SNTB1: variants seen among roughly 807,000 people sequenced by gnomAD.
The protein encoded by SNTB1 is syntrophin beta 1.
In SNTB1, 36 loss-of-function variants were observed where a neutral mutation model predicts 48.9. The observed-to-expected ratio is 0.74, with a 90% CI of 0.56 to 0.97. The LOEUF is 0.97. Among genes scored for constraint, SNTB1 ranks in the 50% least tolerant of loss-of-function variants. The pLI is 0.00. For missense variants in SNTB1, 786 were observed against 703.4 expected, an observed-to-expected ratio of 1.12 and a Z score of -1.33; for synonymous variants, 299 against 294.6, an observed-to-expected ratio of 1.01 and a Z score of -0.15.
At chr8:120,807,345 G>C (rs770127284) in intron 1 of SNTB1, among the ~76,000 whole-genome samples, 61 of 152,328 alleles carry the variant, frequency 4.0e-4, no homozygotes, top group Non-Finnish European at 7.2e-4. Context: ...ACTGTGCCCA[G>C]CTCCAGAGGG....
At chr8:120,716,694 C>T (rs775326039) in intron 1 of SNTB1, among the ~76,000 whole-genome samples, 8 of 152,164 alleles carry the variant, frequency 5.3e-5, no homozygotes, top group Non-Finnish European at 8.8e-5. Context: ...GTCAGCTTGG[C>T]GGTGCCTTGC....
At chr8:120,780,693 A>G (rs1017529621) in intron 1 of SNTB1, among the ~76,000 whole-genome samples, 3 of 152,200 alleles carry the variant, frequency 2.0e-5, no homozygotes, top group African/African-American at 7.2e-5. Context: ...GAAAGCTGCA[A>G]AACCAAATCA....
At chr8:120,689,820 T>C (rs1476721284) in intron 2 of SNTB1, among the ~76,000 whole-genome samples, 1 of 152,216 alleles carries the variant, frequency 6.6e-6, no homozygotes, top group Non-Finnish European at 1.5e-5. Flanking sequence ...TCAGAGGCTG[T>C]TGTTTGTATT....
chr8:120,558,400 T>C (rs551527301), intron 4 of SNTB1, among the ~76,000 whole-genome samples: 1 of 152,290 alleles, frequency 6.6e-6, no homozygotes, highest in East Asian at 1.9e-4. Flanking sequence ...TCACACCCAG[T>C]TTCTAAGTAT....
chr8:120,588,570 G>T (rs1816187330), intron 3 of SNTB1, among the ~76,000 whole-genome samples: 1 of 151,962 alleles, frequency 6.6e-6, no homozygotes, highest in Non-Finnish European at 1.5e-5. Context: ...AGCAAGGAGG[G>T]AGTCTAGTAG....
chr8:120,746,931 A>T (rs1245887990), intron 1 of SNTB1, among the ~76,000 whole-genome samples: 1 of 152,220 alleles, frequency 6.6e-6, no homozygotes, highest in Non-Finnish European at 1.5e-5. Flanking sequence ...GGATTCAGTC[A>T]GTCACAAGGA....
At chr8:120,806,065 C>A (rs1368805113) in intron 1 of SNTB1, among the ~76,000 whole-genome samples, 1 of 152,128 alleles carries the variant, frequency 6.6e-6, no homozygotes, top group East Asian at 1.9e-4. Context: ...TTATTACATT[C>A]GAAAAAGAGT....
intron 4 of SNTB1, among the ~76,000 whole-genome samples, chr8:120,569,288 C>A (rs1190397084): frequency 2.6e-5 from 4 of 152,182 alleles, no homozygotes; most frequent in African/African-American, 9.7e-5. Context: ...CCCGCATCTT[C>A]TATTCTAAAT....
intron 4 of SNTB1, among the ~76,000 whole-genome samples, chr8:120,555,158 A>T (rs1171762712): frequency 6.6e-6 from 1 of 152,172 alleles, no homozygotes; most frequent in African/African-American, 2.4e-5. Context: ...CCCCGCCAGG[A>T]ATATCCGGGG....
chr8:120,646,817 C>A (rs538833088), intron 2 of SNTB1, among the ~76,000 whole-genome samples: 1 of 152,260 alleles, frequency 6.6e-6, no homozygotes, highest in Non-Finnish European at 1.5e-5. Context: ...GGTTGGTAAG[C>A]TATTGATTAT....
intron 3 of SNTB1, among the ~76,000 whole-genome samples, chr8:120,599,259 C>A (rs1816381608): frequency 6.6e-6 from 1 of 152,158 alleles, no homozygotes; most frequent in Non-Finnish European, 1.5e-5. Flanking sequence ...AATAGAAATA[C>A]ACATTAAAAG....
chr8:120,670,136 A>T (rs1341525327), intron 2 of SNTB1, among the ~76,000 whole-genome samples: 1 of 152,216 alleles, frequency 6.6e-6, no homozygotes, highest in Non-Finnish European at 1.5e-5. Context: ...GTGCTTTAGG[A>T]CACAAACGAA....
At position 120,693,748 on chromosome 8, in the gene SNTB1, G is replaced by T; in HGVS notation, c.732C>A (p.Ile244=). ...GAGTGACGTAGCACATTTTGAGGGG[G>T]ATGCTTTTCCGGTCTCTGTGGAAGG... ...SFSFHRDRKS[I]PLKMCYVTRS... is the part of the protein sequence containing the mutation. Residue 244 remains isoleucine (I), a synonymous_variant, in exon 2 of 7, where the codon ATC becomes ATA. Coordinates refer to ENST00000517992, the MANE Select transcript of SNTB1 (RefSeq NM_021021.4). The T allele has an allele frequency of 6.2e-7, 1 of 1,613,800 alleles. No individual in the cohort carries two copies. Among genetic ancestry groups the T allele is most frequent in the Non-Finnish European group, 8.5e-7 (1 of 1,179,920 alleles).
intron 1 of SNTB1, among the ~76,000 whole-genome samples, chr8:120,804,808 CACACTGAGCT>C (rs1483421238): frequency 1.2e-4 from 18 of 152,284 alleles, no homozygotes; most frequent in African/African-American, 4.1e-4. Context: ...CCCTCTTAGC[CACACTGAGCT>C]ACACATGAGG....
chr8:120,632,610 A>T lies in SNTB1; in HGVS notation c.830T>A (p.Ile277Asn). 1 of 1,614,094 alleles carries T rather than the reference A, an allele frequency of 6.2e-7. No homozygotes were observed. Among genetic ancestry groups the T allele is most frequent in the African/African-American group, 1.3e-5 (1 of 75,026 alleles). ...IHSPDAKHTV[I>N]LRSKDSATAQ... is the part of the protein sequence containing the mutation. ...CGTGGCTGAGTCCTTGCTCCTTAGG[A>T]TCACCGTGTGCTTAGCATCTGGAGA... is the stretch of plus-strand genomic sequence containing the variant. Residue 277 changes from isoleucine to asparagine, a missense_variant, in exon 3 of 7, where the codon ATC becomes AAC. Transcript: ENST00000517992.
intron 4 of SNTB1, among the ~76,000 whole-genome samples, chr8:120,568,794 G>C (rs944108113): frequency 6.6e-6 from 1 of 152,196 alleles, no homozygotes; most frequent in Non-Finnish European, 1.5e-5. Flanking sequence ...ATCCTTACAG[G>C]CCTAATTGTA....
chr8:120,712,414 C>G (rs969579576), intron 1 of SNTB1, among the ~76,000 whole-genome samples: 1 of 81,332 alleles, frequency 1.2e-5, no homozygotes, highest in Non-Finnish European at 2.7e-5. Context: ...GACTCCATCT[C>G]AAAAAAAAAA....
At chr8:120,579,615 G>C (rs891650610) in intron 3 of SNTB1, among the ~76,000 whole-genome samples, 2 of 152,130 alleles carry the variant, frequency 1.3e-5, no homozygotes, top group Non-Finnish European at 2.9e-5. Flanking sequence ...AGGTGATGGA[G>C]TTGCAGTGAG....
At chr8:120,559,856 G>A (rs1295315502) in intron 4 of SNTB1, among the ~76,000 whole-genome samples, 1 of 151,784 alleles carries the variant, frequency 6.6e-6, no homozygotes, top group Admixed American at 6.6e-5. Context: ...TAACTGGGTT[G>A]CTAAGCAATA....
Sources: gnomAD v4.1 joint callset for allele counts (sites outside exome capture counted in the v4.1 genomes callset) on GRCh38, gnomAD v4.1.1 for gene constraint, MANE v1.5 for transcripts, NCBI Gene and HGNC (gene_info 2026-07-23, HGNC 2026-07-21) for gene names.